The following KDM4C variants were observed in gnomAD, a reference collection of about 807,000 sequenced individuals.
The protein encoded by KDM4C is lysine demethylase 4C, also known as lysine-specific demethylase 4C.
KDM4C carries 81 observed loss-of-function variants against 129.3 expected under a neutral mutation model. The ratio of observed to expected loss-of-function variants is 0.63; its 90% CI spans 0.52 to 0.75. KDM4C has a LOEUF of 0.75. Among genes scored for constraint, KDM4C ranks in the 30% least tolerant of loss-of-function variants. The pLI is 0.00. For missense variants in KDM4C, 1,457 were observed against 1,304.0 expected, an observed-to-expected ratio of 1.12 and a Z score of -1.81; for synonymous variants, 573 against 456.1, an observed-to-expected ratio of 1.26 and a Z score of -3.26.
intron 8 of KDM4C, among the ~76,000 whole-genome samples, chr9:6,958,408 A>G (rs10815489): frequency 0.62 from 94,101 of 151,702 alleles, 30,971 homozygotes; most frequent in East Asian, 1. Flanking sequence ...AACATGGTGA[A>G]ACCCTGTCTC....
At chr9:6,878,207 G>C (rs190761697) in intron 5 of KDM4C, among the ~76,000 whole-genome samples, 1 of 152,198 alleles carries the variant, frequency 6.6e-6, no homozygotes, top group East Asian at 1.9e-4. Context: ...CCGTGTACGG[G>C]GCTGTGATTG....
intron 7 of KDM4C, among the ~76,000 whole-genome samples, chr9:6,889,207 CTT>C (rs1408790692): frequency 4.8e-5 from 4 of 83,620 alleles, no homozygotes; most frequent in Admixed American, 1.8e-4. Context: ...CTGTGGCCTT[CTT>C]TTTGTGTGTG....
chr9:6,976,998 C>T (rs997564281), intron 8 of KDM4C, among the ~76,000 whole-genome samples: 1 of 152,080 alleles, frequency 6.6e-6, no homozygotes, highest in African/African-American at 2.4e-5. Context: ...TGTTTTGAGA[C>T]TGGATTATGA....
At chr9:6,808,996 G>T (rs919649665) in intron 3 of KDM4C, among the ~76,000 whole-genome samples, 1 of 151,878 alleles carries the variant, frequency 6.6e-6, no homozygotes, top group East Asian at 1.9e-4. Context: ...AAATTCCCTG[G>T]ATGGGTGTGA....
chr9:6,841,226 C>T (rs1417826710), intron 4 of KDM4C, among the ~76,000 whole-genome samples: 2 of 151,710 alleles, frequency 1.3e-5, no homozygotes, highest in African/African-American at 4.8e-5. Context: ...TCATTATTGG[C>T]CCAGTTTGGA....
intron 1 of KDM4C, among the ~76,000 whole-genome samples, chr9:6,740,680 A>G (rs1034091322): frequency 4.0e-5 from 6 of 150,920 alleles, no homozygotes; most frequent in Non-Finnish European, 8.8e-5. Context: ...CACCACATCC[A>G]GCAAATTTTT....
At chr9:7,047,425 TC>T (rs1554716052) in intron 16 of KDM4C, among the ~76,000 whole-genome samples, 1 of 149,504 alleles carries the variant, frequency 6.7e-6, no homozygotes, top group East Asian at 2.0e-4. Context: ...TTTAAAGGGA[TC>T]AGGTGGAGAA....
chr9:6,849,359 T>A, intron 4 of KDM4C, 148 bp from the exon 5 acceptor site: 1 of 563,436 alleles, frequency 1.8e-6, no homozygotes. Context: ...ATGTGGCTCT[T>A]GAATAAGAGT....
chr9:6,985,143 T>C (rs2131851097), intron 10 of KDM4C, among the ~76,000 whole-genome samples: 1 of 152,314 alleles, frequency 6.6e-6, no homozygotes, highest in Admixed American at 6.5e-5. Context: ...ACTGCAGCAA[T>C]TGCTTCCTTC....
chr9:7,077,261 G>A, intron 17 of KDM4C: 3 of 979,198 alleles, frequency 3.1e-6, no homozygotes, highest in Non-Finnish European at 3.6e-6. Flanking sequence ...CCATTTGCAT[G>A]GATCTTGGAT....
At chr9:6,988,724 G>T (rs1245380072) in intron 11 of KDM4C, among the ~76,000 whole-genome samples, 1 of 151,622 alleles carries the variant, frequency 6.6e-6, no homozygotes, top group Non-Finnish European at 1.5e-5. Flanking sequence ...TGGGCTCAAA[G>T]CTGTACCTGG....
chr9:6,874,088 A>G (rs1208593258), intron 5 of KDM4C, among the ~76,000 whole-genome samples: 1 of 152,214 alleles, frequency 6.6e-6, no homozygotes, highest in Non-Finnish European at 1.5e-5. Flanking sequence ...AAGGTCACTG[A>G]TGACACATCA....
intron 8 of KDM4C, among the ~76,000 whole-genome samples, chr9:6,944,513 ACTG>A (rs1309238125): frequency 6.6e-6 from 1 of 152,164 alleles, no homozygotes; most frequent in African/African-American, 2.4e-5. Flanking sequence ...ATACATGAAA[ACTG>A]CTGTGTATTT....
chr9:6,738,135 AAAACTAAACTAAACTAAACT>A lies in KDM4C; in HGVS notation c.49+17167_49+17186del, dbSNP rs200468678. Among the ~76,000 whole-genome samples, 17 of 142,302 alleles carry A rather than the reference AAAACTAAACTAAACTAAACT, an allele frequency of 1.2e-4. No homozygotes were observed. In the East Asian group the frequency reaches 1.3e-3, roughly 11 times the overall value. The allele number at this position is 142,302 out of a possible 152,430, so 93.4% of individuals were successfully genotyped here. A position where few individuals can be genotyped will look rare whatever the true frequency, so the allele number is the denominator to read the frequency against. ...GCAACAAGACCAAAACTCCCTCTCA[AAAACTAAACTAAACTAAACT>A]AAACTAAACTAAACTAAACTAAACT... On this transcript the variant is annotated intron_variant, in intron 1 of 17. Coordinates refer to the KDM4C transcript ENST00000536108.
chr9:6,880,165 T>A (rs1844215141), intron 6 of KDM4C, 104 bp downstream of exon 6: 2 of 601,180 alleles, frequency 3.3e-6, no homozygotes, highest in Admixed American at 6.4e-5. Flanking sequence ...CGTTACTCTG[T>A]TGGTTTTATT....
chr9:6,909,209 C>A (rs1010923572), intron 8 of KDM4C, among the ~76,000 whole-genome samples: 1 of 152,198 alleles, frequency 6.6e-6, no homozygotes, highest in South Asian at 2.1e-4. Flanking sequence ...AGAGAGGGGT[C>A]TGCTTCTTGT....
chr9:6,781,103 A>G (rs1036993477), intron 1 of KDM4C, among the ~76,000 whole-genome samples: 1 of 152,176 alleles, frequency 6.6e-6, no homozygotes, highest in Non-Finnish European at 1.5e-5. Flanking sequence ...TGATTGTGCC[A>G]GGCTAGTCAA....
In KDM4C at chr9:7,013,912, T is replaced by C. The variant is rs377107953; in HGVS notation, c.2093T>C (p.Ile698Thr). 6.8e-6 allele frequency: 11 copies of C among 1,613,940 alleles called. No individual in the cohort carries two copies. The African/African-American group carries it at 1.3e-4, about 20-fold the overall frequency. The change falls in exon 14 of 22, where the codon ATA becomes ACA. Residue 698 changes from isoleucine (I) to threonine (T), a missense_variant. Physicochemically the swap from Ile to Thr is moderately conservative, Grantham distance 89 (BLOSUM62 -1). Coordinates refer to ENST00000381309, the MANE Select transcript of KDM4C (RefSeq NM_015061.6). ...TGTTTTATTTATAGTGAAGAAAATATAGAATATTCTCCACCCAATGCCTTC... is the reference window on the plus strand; with the variant it reads ...TGTTTTATTTATAGTGAAGAAAATACAGAATATTCTCCACCCAATGCCTTC... The part of the protein sequence containing the change: ...EMCFIYSEEN[I>T]EYSPPNAFLE...
At chr9:6,797,222 A>G (rs933257424) in intron 2 of KDM4C, among the ~76,000 whole-genome samples, 1 of 152,140 alleles carries the variant, frequency 6.6e-6, no homozygotes, top group East Asian at 1.9e-4. Flanking sequence ...CCTGAGCTCA[A>G]GTGCTTCTCC....
Sources: allele counts gnomAD v4.1 joint callset (sites outside exome capture counted in the v4.1 genomes callset), GRCh38; gene constraint gnomAD v4.1.1; transcripts MANE v1.5; gene names NCBI Gene and HGNC (gene_info 2026-07-23, HGNC 2026-07-21).